DPP10: variants seen among roughly 807,000 people sequenced by gnomAD.
DPP10 encodes inactive dipeptidyl peptidase 10.
Under a neutral mutation model 120.9 loss-of-function variants are expected in DPP10, and 33 were observed. The observed-to-expected ratio is 0.27, with a 90% CI of 0.21 to 0.37. DPP10 has a LOEUF of 0.37. Among genes scored for constraint, DPP10 ranks in the 10% least tolerant of loss-of-function variants. The pLI, the probability that DPP10 is intolerant of heterozygous loss-of-function variation, is 1.00. For synonymous variants in DPP10, 337 were observed against 326.1 expected (o/e 1.03, Z -0.36); for missense variants, 816 against 942.8 (o/e 0.87, Z 1.76).
chr2:115,806,820 T>C (rs1686028733), intron 19 of DPP10, among the ~76,000 whole-genome samples: 1 of 152,132 alleles, frequency 6.6e-6, no homozygotes, highest in Non-Finnish European at 1.5e-5. Flanking sequence ...CACACTTTGT[T>C]CTATTTTTTA....
At chr2:114,451,998 T>G (rs1678307004) in intron 1 of DPP10, among the ~76,000 whole-genome samples, 1 of 152,202 alleles carries the variant, frequency 6.6e-6, no homozygotes, top group African/African-American at 2.4e-5. Context: ...TTGAAGGTTA[T>G]TAATAACTTA....
At chr2:115,700,107 C>G (rs2091820172) in intron 7 of DPP10, among the ~76,000 whole-genome samples, 2 of 152,208 alleles carry the variant, frequency 1.3e-5, no homozygotes, top group South Asian at 4.1e-4. Flanking sequence ...TTACCACACA[C>G]TTTTAAACAA....
chr2:115,489,197 T>C (rs2075955925), intron 3 of DPP10, among the ~76,000 whole-genome samples: 1 of 152,044 alleles, frequency 6.6e-6, no homozygotes, highest in Non-Finnish European at 1.5e-5. Context: ...GCTGTTATAG[T>C]GCATAAGCAG....
At chr2:115,300,777 G>A (rs890175409) in intron 1 of DPP10, among the ~76,000 whole-genome samples, 2 of 152,070 alleles carry the variant, frequency 1.3e-5, no homozygotes, top group Middle Eastern at 3.4e-3. Flanking sequence ...CTCTCAGAGT[G>A]TATTTAAGGC....
intron 1 of DPP10, among the ~76,000 whole-genome samples, chr2:115,282,521 A>G (rs1161975805): frequency 6.6e-6 from 1 of 152,068 alleles, no homozygotes; most frequent in Admixed American, 6.6e-5. Flanking sequence ...TATACTTATA[A>G]TGTCTTACCT....
intron 1 of DPP10, among the ~76,000 whole-genome samples, chr2:114,721,246 G>T (rs187594811): frequency 1.8e-4 from 27 of 152,254 alleles, no homozygotes; most frequent in Admixed American, 1.0e-3. Context: ...TACTTACTTT[G>T]CAGATTTGCT....
chr2:115,429,344 A>G (rs1303214173), intron 3 of DPP10, among the ~76,000 whole-genome samples: 2 of 152,186 alleles, frequency 1.3e-5, no homozygotes, highest in Admixed American at 1.3e-4. Flanking sequence ...AAGGAGGCTC[A>G]CAAGGCTATG....
intron 1 of DPP10, among the ~76,000 whole-genome samples, chr2:114,831,862 ATATATATATAATATATATG>A (rs1162024439): frequency 6.9e-6 from 1 of 144,336 alleles, no homozygotes; most frequent in Non-Finnish European, 1.5e-5. Flanking sequence ...AAAAAAATAT[ATATATATATAATATATATG>A]TATATATATA....
At chr2:115,123,299 TC>T (rs2049915415) in intron 1 of DPP10, among the ~76,000 whole-genome samples, 1 of 152,182 alleles carries the variant, frequency 6.6e-6, no homozygotes, top group Non-Finnish European at 1.5e-5. Context: ...AGATCCTAGT[TC>T]CCTGTCTGTC....
chr2:114,502,193 T>G (rs1683253105), intron 1 of DPP10, among the ~76,000 whole-genome samples: 1 of 152,158 alleles, frequency 6.6e-6, no homozygotes. Flanking sequence ...GACCTTATGA[T>G]CTGCCTGCCT....
intron 1 of DPP10, among the ~76,000 whole-genome samples, chr2:114,737,789 C>T (rs1319727502): frequency 6.6e-6 from 1 of 152,220 alleles, no homozygotes; most frequent in African/African-American, 2.4e-5. Context: ...CATAAGCCTG[C>T]TTCCTCAGCT....
At chr2:114,529,721 T>C (rs1334786799) in intron 1 of DPP10, among the ~76,000 whole-genome samples, 1 of 152,176 alleles carries the variant, frequency 6.6e-6, no homozygotes, top group African/African-American at 2.4e-5. Flanking sequence ...ATGTGCAGGA[T>C]GTGCAGGTTT....
chr2:114,972,527 T>G (rs1384608128), intron 1 of DPP10, among the ~76,000 whole-genome samples: 3 of 152,206 alleles, frequency 2.0e-5, no homozygotes, highest in Non-Finnish European at 4.4e-5. Context: ...AGCAGGAATC[T>G]AGAAACAGGG....
intron 1 of DPP10, among the ~76,000 whole-genome samples, chr2:115,221,769 T>G (rs1028684488): frequency 5.3e-5 from 8 of 149,864 alleles, no homozygotes; most frequent in Admixed American, 2.0e-4. Flanking sequence ...TTTTTTTTTT[T>G]TTTTTTTTTT....
intron 5 of DPP10, among the ~76,000 whole-genome samples, chr2:115,593,879 C>A (rs2082831887): frequency 6.6e-6 from 1 of 152,130 alleles, no homozygotes; most frequent in Non-Finnish European, 1.5e-5. Flanking sequence ...GTTGGCTTTG[C>A]TGGAACTTTT....
chr2:115,021,709 A>C (rs988316052), intron 1 of DPP10, among the ~76,000 whole-genome samples: 1 of 152,070 alleles, frequency 6.6e-6, no homozygotes, highest in African/African-American at 2.4e-5. Context: ...ATGTAACAAA[A>C]AAAGAAAACT....
intron 5 of DPP10, among the ~76,000 whole-genome samples, chr2:115,557,524 C>T (rs2149032060): frequency 6.6e-6 from 1 of 152,302 alleles, no homozygotes; most frequent in East Asian, 1.9e-4. Context: ...TTTCTATTGC[C>T]TTAACCCTGT....
intron 1 of DPP10, among the ~76,000 whole-genome samples, chr2:115,259,912 AGT>A (rs2059175696): frequency 2.6e-5 from 4 of 152,138 alleles, no homozygotes; most frequent in African/African-American, 9.6e-5. Flanking sequence ...TACTTGATTT[AGT>A]ATATCTAATA....
intron 3 of DPP10, among the ~76,000 whole-genome samples, chr2:115,443,809 G>A (rs1033635866): frequency 2.2e-4 from 34 of 152,190 alleles, no homozygotes; most frequent in African/African-American, 7.7e-4. Flanking sequence ...AGCTGTTCTA[G>A]GTCAGAGTTT....
Sources: allele counts gnomAD v4.1 joint callset (sites outside exome capture counted in the v4.1 genomes callset), GRCh38; gene constraint gnomAD v4.1.1; transcripts MANE v1.5; gene names NCBI Gene and HGNC (gene_info 2026-07-23, HGNC 2026-07-21).